Variants in SDK1 observed in about 807,000 individuals in gnomAD.
SDK1 encodes the protein sidekick cell adhesion molecule 1.
In SDK1, 157 loss-of-function variants were observed where a neutral mutation model predicts 245.5. The observed-to-expected ratio is 0.64, with a 90% CI of 0.56 to 0.73. The LOEUF (loss-of-function observed/expected upper bound fraction) is 0.73, where lower values mean the gene tolerates loss of function less well. Ranked by LOEUF, SDK1 falls within the 30% of genes least tolerant of loss-of-function variation. The pLI is 0.00. For synonymous variants in SDK1, 1,647 were observed against 1,278.5 expected (o/e 1.29, Z -6.15); for missense variants, 3,583 against 3,002.3 (o/e 1.19, Z -4.52).
intron 1 of SDK1, among the ~76,000 whole-genome samples, chr7:3,508,285 A>G (rs1298843858): frequency 7.0e-6 from 1 of 142,038 alleles, no homozygotes; most frequent in Non-Finnish European, 1.5e-5. Flanking sequence ...GCTAATCATT[A>G]CTCTTTCCTC....
intron 1 of SDK1, among the ~76,000 whole-genome samples, chr7:3,368,829 G>A (rs1781154144): frequency 6.6e-6 from 1 of 152,152 alleles, no homozygotes; most frequent in Admixed American, 6.5e-5. Flanking sequence ...CTGAAGAAGA[G>A]TTAGCTATTA....
At chr7:3,319,608 G>T (rs1299684126) in intron 1 of SDK1, among the ~76,000 whole-genome samples, 2 of 151,956 alleles carry the variant, frequency 1.3e-5, no homozygotes, top group Non-Finnish European at 2.9e-5. Flanking sequence ...TTTGTCCCTT[G>T]TAAGTTTCTG....
intron 1 of SDK1, among the ~76,000 whole-genome samples, chr7:3,610,273 C>T (rs1781548670): frequency 6.6e-6 from 1 of 152,172 alleles, no homozygotes; most frequent in Non-Finnish European, 1.5e-5. Context: ...GAAGGTAAAT[C>T]ATATTTGAGA....
At chr7:3,603,935 A>G (rs956515198) in intron 1 of SDK1, among the ~76,000 whole-genome samples, 1 of 152,208 alleles carries the variant, frequency 6.6e-6, no homozygotes, top group Admixed American at 6.5e-5. Context: ...ATCTATTGAG[A>G]TAATCATGTG....
intron 35 of SDK1, among the ~76,000 whole-genome samples, chr7:4,179,423 C>T (rs1407451966): frequency 6.6e-5 from 10 of 150,702 alleles, no homozygotes; most frequent in African/African-American, 2.2e-4. Flanking sequence ...GCTCGGACTG[C>T]GGGGGCCAGA....
chr7:4,265,941 A>C lies in SDK1; in HGVS notation c.*557A>C, dbSNP rs748511162. 1.3e-4 allele frequency: 133 copies of C among 985,576 alleles called. 1 individual carries two copies. Among genetic ancestry groups the C allele is most frequent in the Non-Finnish European group, 1.6e-4 (130 of 830,148 alleles). The allele number at this position is 985,576 out of a possible 1,614,324, so 61.1% of individuals were successfully genotyped here. ...CTTCATCTGTTTCTGAAATGTTCTC[A>C]CTTGGCAGTGTCTAGTCAAGGAGTC... On this transcript the variant is annotated 3_prime_UTR_variant, in exon 45 of 45. Coordinates refer to ENST00000404826, the MANE Select transcript of SDK1 (RefSeq NM_152744.4).
intron 39 of SDK1, 85 bp downstream of exon 39, chr7:4,220,355 T>G: frequency 6.9e-7 from 1 of 1,448,502 alleles, no homozygotes; most frequent in Non-Finnish European, 9.4e-7. Context: ...TCCATCTACA[T>G]GGTCAACAAG....
chr7:3,682,008 A>G (rs1464643633), intron 4 of SDK1, among the ~76,000 whole-genome samples: 1 of 152,250 alleles, frequency 6.6e-6, no homozygotes, highest in East Asian at 1.9e-4. Flanking sequence ...TGCAGTGAAA[A>G]GTAAATGGGA....
intron 1 of SDK1, among the ~76,000 whole-genome samples, chr7:3,429,126 A>T (rs78804871): frequency 1.3e-5 from 2 of 152,168 alleles, no homozygotes; most frequent in Admixed American, 6.5e-5. Flanking sequence ...AATAATGAGA[A>T]GGCTCAGTTT....
intron 1 of SDK1, among the ~76,000 whole-genome samples, chr7:3,414,257 A>T (rs1779297957): frequency 6.6e-6 from 1 of 152,018 alleles, no homozygotes; most frequent in Non-Finnish European, 1.5e-5. Context: ...GAGAAATTTG[A>T]AGGGTCCTAG....
chr7:3,442,998 C>T (rs1356220150), intron 1 of SDK1, among the ~76,000 whole-genome samples: 1 of 151,034 alleles, frequency 6.6e-6, no homozygotes, highest in Admixed American at 6.6e-5. Context: ...GTGTGGGAAG[C>T]ATGTTTACTT....
At chr7:3,753,915 T>G (rs953756666) in intron 4 of SDK1, among the ~76,000 whole-genome samples, 12 of 152,214 alleles carry the variant, frequency 7.9e-5, no homozygotes, top group African/African-American at 2.7e-4. Flanking sequence ...CTCTATAAAA[T>G]AAAATTTTGA....
intron 4 of SDK1, among the ~76,000 whole-genome samples, chr7:3,703,046 G>T (rs1784782906): frequency 7.1e-6 from 1 of 140,748 alleles, no homozygotes; most frequent in Non-Finnish European, 1.5e-5. Flanking sequence ...AAAAGTAAAT[G>T]CGAGACTCTG....
chr7:3,911,841 G>A (rs1360433732), intron 5 of SDK1, among the ~76,000 whole-genome samples: 1 of 152,168 alleles, frequency 6.6e-6, no homozygotes, highest in Non-Finnish European at 1.5e-5. Context: ...TCCCTCAGTA[G>A]TGAATCATGC....
chr7:3,442,689 AAGTG>A (rs1328214896), intron 1 of SDK1, among the ~76,000 whole-genome samples: 1 of 152,204 alleles, frequency 6.6e-6, no homozygotes, highest in Non-Finnish European at 1.5e-5. Context: ...GGGAAATTAA[AAGTG>A]AGTAATTGTA....
intron 1 of SDK1, among the ~76,000 whole-genome samples, chr7:3,344,667 G>A (rs1484707048): frequency 2.0e-5 from 3 of 152,122 alleles, no homozygotes; most frequent in African/African-American, 4.8e-5. Flanking sequence ...GTTCTTCTTC[G>A]TTGTTGCTGG....
intron 4 of SDK1, among the ~76,000 whole-genome samples, chr7:3,741,565 A>G (rs1347191218): frequency 6.6e-6 from 1 of 152,188 alleles, no homozygotes; most frequent in Admixed American, 6.5e-5. Flanking sequence ...AGTTTGCCCT[A>G]ATTAACTTTA....
At chr7:4,234,669 A>G (rs1026365558) in intron 41 of SDK1, among the ~76,000 whole-genome samples, 1 of 152,160 alleles carries the variant, frequency 6.6e-6, no homozygotes, top group Non-Finnish European at 1.5e-5. Flanking sequence ...GGGTTGCTTG[A>G]GAAAGTTAAA....
At chr7:4,000,099 C>T (rs928126839) in intron 14 of SDK1, among the ~76,000 whole-genome samples, 3 of 152,156 alleles carry the variant, frequency 2.0e-5, no homozygotes, top group East Asian at 1.9e-4. Flanking sequence ...TGGTCATTCC[C>T]GAATTGCTGA....
Sources: allele counts gnomAD v4.1 joint callset (sites outside exome capture counted in the v4.1 genomes callset), GRCh38; gene constraint gnomAD v4.1.1; transcripts MANE v1.5; gene names NCBI Gene and HGNC (gene_info 2026-07-23, HGNC 2026-07-21).